ALG6: variants seen among roughly 807,000 people sequenced by gnomAD.
ALG6 encodes ALG6 alpha-1,3-glucosyltransferase, also known as dolichyl pyrophosphate Man9GlcNAc2 alpha-1,3-glucosyltransferase.
A neutral mutation model predicts 66.6 loss-of-function variants in ALG6; 46 were observed. The ratio of observed to expected loss-of-function variants is 0.69; its 90% confidence interval spans 0.55 to 0.88. The LOEUF (loss-of-function observed/expected upper bound fraction) is 0.88. Among genes scored for constraint, ALG6 ranks in the 40% least tolerant of loss-of-function variants. The pLI is 0.00. For missense variants in ALG6, 505 were observed against 586.8 expected, an observed-to-expected ratio of 0.86 and a Z score of 1.44; for synonymous variants, 185 against 203.7, an observed-to-expected ratio of 0.91 and a Z score of 0.78.
chr1:63,431,681 T>G lies in ALG6; in HGVS notation c.1326+2555T>G, dbSNP rs373662836. On this transcript the variant is annotated intron_variant, in intron 14 of 14. Transcript: ENST00000263440. ...ATGTGTTTCCATTTATTTAGATATT[T>G]AATTTCTTTCAACAATGTTTTGTAG... Among the ~76,000 whole-genome samples, 28 of 152,344 alleles carry G rather than the reference T, an allele frequency of 1.8e-4. No homozygotes were observed. The East Asian group carries it at 4.6e-3, about 25-fold the overall frequency.
At chr1:63,369,989 T>G (rs1382876448) in intron 1 of ALG6, among the ~76,000 whole-genome samples, 1 of 152,066 alleles carries the variant, frequency 6.6e-6, no homozygotes, top group Non-Finnish European at 1.5e-5. Context: ...TGGCTAATTT[T>G]GTATTTTTAG....
intron 2 of ALG6, among the ~76,000 whole-genome samples, chr1:63,381,487 C>T (rs906014201): frequency 3.3e-5 from 5 of 151,576 alleles, no homozygotes; most frequent in Non-Finnish European, 7.4e-5. Flanking sequence ...AAAAACAAAA[C>T]CCCAAAATTA....
rs146137714 is a variant in ALG6 at position 63,424,774 on chromosome 1, ATTT to A, written c.1059-3939_1059-3937del. On this transcript the variant is annotated intron_variant, in intron 12 of 14. Coordinates refer to ENST00000263440, the MANE Select transcript of ALG6 (RefSeq NM_013339.4). ...TATGTCTTTGATCCATTTTGAGTTAATTTTTTTTTTTTTTTTTTTTTTGAGACA... is the reference window on the plus strand; with the variant it reads ...TATGTCTTTGATCCATTTTGAGTTAATTTTTTTTTTTTTTTTTTTGAGACA... Among the ~76,000 whole-genome samples, 809 of 113,996 alleles carry A rather than the reference ATTT, an allele frequency of 7.1e-3. 6 individuals carry two copies. Among genetic ancestry groups the A allele is most frequent in the African/African-American group, 0.021 (578 of 27,120 alleles). 74.8% of individuals were successfully genotyped at this position (113,996 alleles called of 152,430 possible).
At chr1:63,400,245 GTATATATATGTATA>G (rs1644444618) in intron 3 of ALG6, among the ~76,000 whole-genome samples, 6 of 3,408 alleles carry the variant, frequency 1.8e-3, no homozygotes, top group Non-Finnish European at 2.0e-3. Context: ...ATATATATAC[GTATATATATGTATA>G]TATATATACG....
chr1:63,381,099 T>G (rs2143834), intron 2 of ALG6, among the ~76,000 whole-genome samples: 1 of 151,678 alleles, frequency 6.6e-6, no homozygotes, highest in Non-Finnish European at 1.5e-5. Context: ...GCAGGTGGAT[T>G]GCTTGAGCCC....
At chr1:63,386,854 C>T (rs1648519099) in intron 2 of ALG6, among the ~76,000 whole-genome samples, 1 of 151,988 alleles carries the variant, frequency 6.6e-6, no homozygotes, top group South Asian at 2.1e-4. Context: ...TGTAGCTTTT[C>T]TAGTTCTTTA....
chr1:63,417,075 T>C (rs1644549204), intron 11 of ALG6, among the ~76,000 whole-genome samples: 1 of 152,218 alleles, frequency 6.6e-6, no homozygotes, highest in Non-Finnish European at 1.5e-5. Flanking sequence ...TATCTTTTTA[T>C]TGATGATTTG....
chr1:63,400,067 G>A (rs1227767651), intron 3 of ALG6, among the ~76,000 whole-genome samples: 1 of 149,366 alleles, frequency 6.7e-6, no homozygotes, highest in Non-Finnish European at 1.5e-5. Context: ...GGTGGTGCAT[G>A]CCTGTAATCC....
chr1:63,389,866 C>A (rs1648616998), intron 2 of ALG6, among the ~76,000 whole-genome samples: 1 of 152,298 alleles, frequency 6.6e-6, no homozygotes. Context: ...GGTAACAAAT[C>A]TGAGAGAATT....
chr1:63,372,395 T>C (rs946988995), intron 2 of ALG6, among the ~76,000 whole-genome samples: 6 of 152,064 alleles, frequency 3.9e-5, no homozygotes, highest in South Asian at 4.1e-4. Context: ...ACATTTACTC[T>C]CTACTTACAC....
chr1:63,432,246 C>T (rs189945157), intron 14 of ALG6, among the ~76,000 whole-genome samples: 2 of 135,212 alleles, frequency 1.5e-5, no homozygotes, highest in East Asian at 4.5e-4. Context: ...TTTTCTGCAT[C>T]TTTGGTCATG....
intron 9 of ALG6, 88 bp from the exon 10 acceptor site, chr1:63,413,973 G>C (rs919217251): frequency 1.0e-6 from 1 of 1,003,888 alleles, no homozygotes; most frequent in Non-Finnish European, 1.5e-6. Context: ...ATCTCAAAAA[G>C]TTTATTAGAG....
At chr1:63,402,867 C>A (rs1448212208) in intron 4 of ALG6, among the ~76,000 whole-genome samples, 1 of 150,762 alleles carries the variant, frequency 6.6e-6, no homozygotes, top group Non-Finnish European at 1.5e-5. Context: ...GAGGCCGAGG[C>A]GGGCGGATCA....
intron 7 of ALG6, 72 bp downstream of exon 7, chr1:63,407,198 T>A: frequency 9.2e-7 from 1 of 1,092,240 alleles, no homozygotes; most frequent in Non-Finnish European, 1.4e-6. Context: ...TACATTGCTG[T>A]CATCTAGTAA....
At chr1:63,370,558 G>A (rs1382427543) in intron 1 of ALG6, among the ~76,000 whole-genome samples, 1 of 152,118 alleles carries the variant, frequency 6.6e-6, no homozygotes, top group African/African-American at 2.4e-5. Context: ...ATCTTTAGAT[G>A]TATTGAGTCC....
intron 1 of ALG6, among the ~76,000 whole-genome samples, chr1:63,369,351 G>A (rs6694728): frequency 0.067 from 10,145 of 152,160 alleles, 364 homozygotes; most frequent in Non-Finnish European, 0.082. Context: ...AATTAGGGCC[G>A]GGTGCAGTGG....
At chr1:63,418,920 CTAAA>C (rs1195383341) in intron 11 of ALG6, among the ~76,000 whole-genome samples, 3 of 152,104 alleles carry the variant, frequency 2.0e-5, no homozygotes, top group Non-Finnish European at 2.9e-5. Flanking sequence ...TTTTTAAACT[CTAAA>C]TAGCACATTA....
At chr1:63,375,811 T>C (rs1386340664) in intron 2 of ALG6, among the ~76,000 whole-genome samples, 1 of 152,142 alleles carries the variant, frequency 6.6e-6, no homozygotes, top group Admixed American at 6.5e-5. Flanking sequence ...GGCTCTCTCT[T>C]TTTTCTCGAA....
chr1:63,388,154 A>G (rs913961468), intron 2 of ALG6, among the ~76,000 whole-genome samples: 11 of 151,724 alleles, frequency 7.3e-5, no homozygotes, highest in Non-Finnish European at 1.3e-4. Flanking sequence ...TCTGACCTCA[A>G]GTGATCTGCC....
Sources: allele counts gnomAD v4.1 joint callset (sites outside exome capture counted in the v4.1 genomes callset), GRCh38; gene constraint gnomAD v4.1.1; transcripts MANE v1.5; gene names NCBI Gene and HGNC (gene_info 2026-07-23, HGNC 2026-07-21).